The following MAP2K1 variants were observed in gnomAD, a reference collection of about 807,000 sequenced individuals.
MAP2K1 encodes dual specificity mitogen-activated protein kinase kinase 1.
MAP2K1 carries 16 observed loss-of-function variants against 46.3 expected under a neutral mutation model. The observed-to-expected ratio is 0.35, with a 90% CI of 0.23 to 0.52. MAP2K1 has a LOEUF of 0.52. Ranked by LOEUF, MAP2K1 falls within the 20% of genes least tolerant of loss-of-function variation. MAP2K1 has a pLI of 0.94. For missense variants in MAP2K1, 263 were observed against 497.1 expected, an observed-to-expected ratio of 0.53 and a Z score of 4.48; for synonymous variants, 183 against 185.6, an observed-to-expected ratio of 0.99 and a Z score of 0.11.
chr15:66,449,003 C>CAAAAAAAAAAAAAAAAAAA (rs59398424), intron 5 of MAP2K1, among the ~76,000 whole-genome samples: 1 of 47,948 alleles, frequency 2.1e-5, no homozygotes, highest in Non-Finnish European at 3.6e-5. Flanking sequence ...GACACTGTCT[C>CAAAAAAAAAAAAAAAAAAA]AAAAAAAAAA....
intron 5 of MAP2K1, among the ~76,000 whole-genome samples, chr15:66,445,732 G>A (rs1303108327): frequency 6.6e-6 from 1 of 152,200 alleles, no homozygotes; most frequent in African/African-American, 2.4e-5. Context: ...AACAGCCCAA[G>A]CTGTTTCCAT....
At chr15:66,484,240 C>T (rs971349268) in intron 6 of MAP2K1, among the ~76,000 whole-genome samples, 4 of 151,904 alleles carry the variant, frequency 2.6e-5, no homozygotes, top group East Asian at 1.9e-4. Context: ...CTCTGCCTCC[C>T]GGGTTCAAGT....
At chr15:66,402,119 TAAG>T (rs1373710036) in intron 1 of MAP2K1, among the ~76,000 whole-genome samples, 6 of 152,222 alleles carry the variant, frequency 3.9e-5, no homozygotes, top group East Asian at 3.8e-4. Context: ...TGTAATGTAT[TAAG>T]AAAAAATATT....
intron 1 of MAP2K1, among the ~76,000 whole-genome samples, chr15:66,397,246 G>A (rs1287407355): frequency 2.6e-5 from 4 of 151,712 alleles, no homozygotes; most frequent in Non-Finnish European, 5.9e-5. Flanking sequence ...CTCGTGATCC[G>A]CCTGCCTCGG....
intron 1 of MAP2K1, chr15:66,414,884 G>T (rs1243563154): frequency 6.2e-6 from 2 of 322,274 alleles, no homozygotes; most frequent in East Asian, 1.1e-4. Flanking sequence ...TTATGGAGGG[G>T]CTCGGGCCAA....
intron 5 of MAP2K1, among the ~76,000 whole-genome samples, chr15:66,464,072 G>C (rs1892399110): frequency 6.6e-6 from 1 of 152,148 alleles, no homozygotes; most frequent in Admixed American, 6.5e-5. Context: ...ATTTTTGGGG[G>C]CCCCAAGATT....
intron 7 of MAP2K1, among the ~76,000 whole-genome samples, chr15:66,486,610 CTGAA>C (rs1320994099): frequency 6.6e-6 from 1 of 152,146 alleles, no homozygotes; most frequent in Non-Finnish European, 1.5e-5. Context: ...ACCTGCCTCT[CTGAA>C]TGTGAATACT....
chr15:66,388,658 A>G (rs948941743), intron 1 of MAP2K1, among the ~76,000 whole-genome samples: 4 of 152,146 alleles, frequency 2.6e-5, no homozygotes, highest in Admixed American at 2.6e-4. Context: ...GGCATGAGCC[A>G]CTATGCCCAG....
chr15:66,457,835 C>T (rs7172443), intron 5 of MAP2K1, among the ~76,000 whole-genome samples: 14,022 of 151,740 alleles, frequency 0.092, 643 homozygotes, highest in African/African-American at 0.11. Context: ...TGGTAGCAGA[C>T]GCCTGTAATC....
At chr15:66,478,402 A>G (rs4368117) in intron 5 of MAP2K1, among the ~76,000 whole-genome samples, 35,929 of 124,098 alleles carry the variant, frequency 0.29, 5,677 homozygotes, top group Non-Finnish European at 0.38. Flanking sequence ...ATGTGTGTGT[A>G]TATATATATA....
At chr15:66,458,362 C>T (rs1412260428) in intron 5 of MAP2K1, among the ~76,000 whole-genome samples, 2 of 152,222 alleles carry the variant, frequency 1.3e-5, no homozygotes, top group Non-Finnish European at 2.9e-5. Flanking sequence ...TAAATTATTT[C>T]TGCCTTGGAG....
chr15:66,412,360 A>C (rs762473318), intron 1 of MAP2K1, among the ~76,000 whole-genome samples: 3 of 152,150 alleles, frequency 2.0e-5, no homozygotes, highest in Admixed American at 1.3e-4. Context: ...GGTAATGAAA[A>C]CGTTAAGCAT....
At chr15:66,388,863 A>G (rs1373737286) in intron 1 of MAP2K1, among the ~76,000 whole-genome samples, 3 of 148,544 alleles carry the variant, frequency 2.0e-5, no homozygotes, top group Admixed American at 6.7e-5. Flanking sequence ...ACTGACTTGT[A>G]TAGGTAGTTG....
chr15:66,478,372 TTAAA>T (rs1892816128), intron 5 of MAP2K1, among the ~76,000 whole-genome samples: 1 of 125,622 alleles, frequency 8.0e-6, no homozygotes, highest in South Asian at 2.4e-4. Context: ...CACATATATG[TTAAA>T]TATATATACA....
intron 6 of MAP2K1, 88 bp downstream of exon 6, chr15:66,481,967 T>TTCCTGTGG: frequency 6.6e-7 from 1 of 1,509,520 alleles, no homozygotes; most frequent in East Asian, 2.4e-5. Context: ...GCCAGAGTCT[T>TTCCTGTGG]GTGCTGGGTA....
chr15:66,418,251 T>C (rs1032265400), intron 1 of MAP2K1, among the ~76,000 whole-genome samples: 3 of 152,302 alleles, frequency 2.0e-5, no homozygotes, highest in East Asian at 1.9e-4. Context: ...TTTCCTGTTA[T>C]AGCTGAAGAG....
Position 66,409,677 on chromosome 15 carries a change from C to G in MAP2K1, c.80+22250C>G, listed in dbSNP as rs189893664. Among the ~76,000 whole-genome samples the G allele has an allele frequency of 2.3e-3, 352 of 152,288 alleles. 1 individual carries two copies. Among genetic ancestry groups the G allele is most frequent in the African/African-American group, 7.6e-3 (317 of 41,548 alleles). On this transcript the variant is annotated intron_variant, in intron 1 of 10. Transcript: ENST00000307102. ...TGCTGCTGGTAAATTCTATAACACTCTCTGGATAAATCACACTTCAGCAGA... is the reference window on the plus strand; with the variant it reads ...TGCTGCTGGTAAATTCTATAACACTGTCTGGATAAATCACACTTCAGCAGA...
intron 1 of MAP2K1, among the ~76,000 whole-genome samples, chr15:66,416,471 G>A (rs937732720): frequency 4.6e-5 from 7 of 151,958 alleles, no homozygotes; most frequent in African/African-American, 1.7e-4. Flanking sequence ...TGGAGTAGAC[G>A]CTTCATAGTA....
chr15:66,441,999 T>C (rs1567011387), intron 3 of MAP2K1, among the ~76,000 whole-genome samples: 1 of 152,178 alleles, frequency 6.6e-6, no homozygotes, highest in African/African-American at 2.4e-5. Context: ...TTCTTCAAGA[T>C]CGCAGGTTAA....
Sources: allele counts gnomAD v4.1 joint callset (sites outside exome capture counted in the v4.1 genomes callset), GRCh38; gene constraint gnomAD v4.1.1; transcripts MANE v1.5; gene names NCBI Gene and HGNC (gene_info 2026-07-23, HGNC 2026-07-21).